Variants in CAST observed in about 807,000 individuals in gnomAD.
CAST encodes calpastatin.
A neutral mutation model predicts 119.6 loss-of-function variants in CAST; 76 were observed. The observed-to-expected ratio is 0.64, with a 90% confidence interval of 0.53 to 0.77. The LOEUF (loss-of-function observed/expected upper bound fraction) is 0.77. CAST is among the 30% of genes least tolerant of loss of function. CAST has a pLI of 0.00. For missense variants in CAST, 953 were observed against 946.5 expected, an observed-to-expected ratio of 1.01 and a Z score of -0.09; for synonymous variants, 319 against 331.6, an observed-to-expected ratio of 0.96 and a Z score of 0.41.
chr5:96,471,540 T>G, the CAST span, among the ~76,000 whole-genome samples: 1 of 152,164 alleles, frequency 6.6e-6, no homozygotes, highest in Non-Finnish European at 1.5e-5. Context: ...GAAAACTTTA[T>G]TAATCTGGAA....
the CAST span, chr5:96,394,883 T>G: frequency 3.1e-6 from 5 of 1,614,126 alleles, no homozygotes; most frequent in Non-Finnish European, 4.2e-6. Context: ...ATCCACCATC[T>G]TCTCCACCCC....
At chr5:96,019,536 G>A in the CAST span, among the ~76,000 whole-genome samples, 1 of 152,072 alleles carries the variant, frequency 6.6e-6, no homozygotes, top group Non-Finnish European at 1.5e-5. Flanking sequence ...CTTGGAGTTT[G>A]ACTATTGAGT....
At chr5:96,048,976 G>C in the CAST span, among the ~76,000 whole-genome samples, 1 of 152,192 alleles carries the variant, frequency 6.6e-6, no homozygotes, top group Non-Finnish European at 1.5e-5. Context: ...GCTGGAGCCA[G>C]GGTGAGTGAG....
chr5:96,406,982 G>T, the CAST span, among the ~76,000 whole-genome samples: 2 of 151,922 alleles, frequency 1.3e-5, no homozygotes, highest in South Asian at 2.1e-4. Context: ...GGACTATTGG[G>T]TAATTATGAG....
the CAST span, among the ~76,000 whole-genome samples, chr5:96,269,786 G>T: frequency 6.6e-6 from 1 of 152,060 alleles, no homozygotes; most frequent in East Asian, 1.9e-4. Flanking sequence ...AAAAGCCCAA[G>T]ACCTGATGGC....
At chr5:96,397,542 T>G in the CAST span, 1 of 1,391,110 alleles carries the variant, frequency 7.2e-7, no homozygotes, top group Non-Finnish European at 1.0e-6. Context: ...ATCTGATAAC[T>G]GAAAATAAAA....
intron 3 of CAST, among the ~76,000 whole-genome samples, chr5:96,719,210 C>G (rs1047734092): frequency 9.9e-5 from 15 of 152,198 alleles, no homozygotes; most frequent in African/African-American, 3.6e-4. Context: ...CCAGGACCTG[C>G]TGGGGAGCTC....
In CAST at chr5:96,729,605, C is replaced by T. The variant is rs373451348; in HGVS notation, c.436-7C>T. On this transcript the variant is annotated splice_region_variant and splice_polypyrimidine_tract_variant and intron_variant, in intron 7 of 31. Transcript: ENST00000675179. ...ATGTGTGTGGGCACCTGTGTGTGTACTTTCAGCCAAAAAGCCTACCCAAGC... is the reference window on the plus strand; with the variant it reads ...ATGTGTGTGGGCACCTGTGTGTGTATTTTCAGCCAAAAAGCCTACCCAAGC... 1 of 1,311,950 alleles carries T rather than the reference C, an allele frequency of 7.6e-7. No individual in the cohort carries two copies. The highest frequency in any genetic ancestry group is 2.3e-5 in the East Asian group (1 of 43,430). 81.3% of individuals were successfully genotyped at this position (1,311,950 alleles called of 1,614,324 possible). A position where few individuals can be genotyped will look rare whatever the true frequency, so the allele number is the denominator to read the frequency against.
At chr5:96,142,665 C>A in the CAST span, among the ~76,000 whole-genome samples, 1 of 152,140 alleles carries the variant, frequency 6.6e-6, no homozygotes, top group Non-Finnish European at 1.5e-5. Context: ...GAACTTTCAA[C>A]AATGTGTCTT....
At chr5:96,057,003 G>T in the CAST span, among the ~76,000 whole-genome samples, 1 of 152,120 alleles carries the variant, frequency 6.6e-6, no homozygotes. Flanking sequence ...ACCAGAACAG[G>T]TTCAGAGTGC....
chr5:96,382,810 C>A, the CAST span, among the ~76,000 whole-genome samples: 1 of 152,126 alleles, frequency 6.6e-6, no homozygotes, highest in Non-Finnish European at 1.5e-5. Flanking sequence ...CAGTGACACC[C>A]AGGTAGCTAG....
chr5:96,387,607 G>A, the CAST span, among the ~76,000 whole-genome samples: 2 of 152,090 alleles, frequency 1.3e-5, no homozygotes, highest in African/African-American at 2.4e-5. Context: ...ATCCAAAACA[G>A]ACTGGCATTA....
intron 1 of CAST, among the ~76,000 whole-genome samples, chr5:96,637,314 T>G (rs1340414505): frequency 2.0e-5 from 3 of 152,172 alleles, no homozygotes; most frequent in Non-Finnish European, 4.4e-5. Context: ...CCAGGTAGCT[T>G]GCTCAAGCTA....
intron 1 of CAST, among the ~76,000 whole-genome samples, chr5:96,627,310 G>A (rs868425028): frequency 2.0e-5 from 3 of 152,180 alleles, no homozygotes; most frequent in Non-Finnish European, 4.4e-5. Flanking sequence ...TTGAGAAAGT[G>A]TCTACAACTC....
chr5:96,560,327 A>G (rs1301715678), intron 1 of CAST, among the ~76,000 whole-genome samples: 5 of 152,110 alleles, frequency 3.3e-5, no homozygotes, highest in Non-Finnish European at 5.9e-5. Context: ...CACCAAAAGC[A>G]ATGGCAACAA....
At chr5:96,489,269 T>C in the CAST span, among the ~76,000 whole-genome samples, 2 of 152,310 alleles carry the variant, frequency 1.3e-5, no homozygotes, top group Non-Finnish European at 2.9e-5. Context: ...TTAAGCCAAA[T>C]TGAGGCAGAT....
chr5:96,624,363 A>G (rs183350872), intron 1 of CAST, among the ~76,000 whole-genome samples: 86 of 152,342 alleles, frequency 5.6e-4, no homozygotes, highest in African/African-American at 1.8e-3. Context: ...GAATAGTGTG[A>G]TTCCAATCTT....
intron 1 of CAST, among the ~76,000 whole-genome samples, chr5:96,667,000 A>G (rs751335109): frequency 6.6e-6 from 1 of 152,060 alleles, no homozygotes; most frequent in Non-Finnish European, 1.5e-5. Flanking sequence ...GAGTTGTCTC[A>G]TTTTCCTTTC....
chr5:96,360,895 A>G, the CAST span, among the ~76,000 whole-genome samples: 13 of 152,226 alleles, frequency 8.5e-5, no homozygotes, highest in African/African-American at 3.1e-4. Flanking sequence ...CAGAGTCAGC[A>G]GGCAGGAATG....
Sources: gnomAD v4.1 joint callset for allele counts (sites outside exome capture counted in the v4.1 genomes callset) on GRCh38, gnomAD v4.1.1 for gene constraint, MANE v1.5 for transcripts, NCBI Gene and HGNC (gene_info 2026-07-23, HGNC 2026-07-21) for gene names.